The following YAP1 variants were observed in gnomAD, a reference collection of about 807,000 sequenced individuals.
YAP1 encodes the protein transcriptional coactivator YAP1.
Under a neutral mutation model 56.9 loss-of-function variants are expected in YAP1, and 5 were observed. The ratio of observed to expected loss-of-function variants is 0.09; its 90% CI spans 0.05 to 0.18. The LOEUF is 0.18. Ranked by LOEUF, YAP1 falls within the 10% of genes least tolerant of loss-of-function variation. The pLI, the probability that YAP1 is intolerant of heterozygous loss-of-function variation, is 1.00. For missense variants in YAP1, 539 were observed against 651.8 expected (o/e 0.83, Z 1.88); for synonymous variants, 265 against 248.1 (o/e 1.07, Z -0.64).
At chr11:102,135,698 A>G (rs1944634678) in intron 2 of YAP1, among the ~76,000 whole-genome samples, 1 of 152,220 alleles carries the variant, frequency 6.6e-6, no homozygotes, top group South Asian at 2.1e-4. Flanking sequence ...ATTCAAGCCA[A>G]AGGAATTAGA....
chr11:102,117,410 T>C (rs181736172), intron 2 of YAP1, among the ~76,000 whole-genome samples: 38 of 152,332 alleles, frequency 2.5e-4, no homozygotes, highest in East Asian at 1.5e-3. Context: ...CTATAACTTA[T>C]TGAGATTTAT....
In YAP1 at chr11:102,227,550, C is replaced by T. The variant is rs745815140; in HGVS notation, c.1245C>T (p.Asp415=). ...ACAGTGTCCCTCGAACCCCAGATGA[C>T]TTCCTGAACAGTGTGGATGAGATGG... is the stretch of plus-strand genomic sequence containing the variant. ...SSYSVPRTPD[D]FLNSVDEMDT... Residue 415 remains aspartate (D), a synonymous_variant, in exon 8 of 9, where the codon GAC becomes GAT. Transcript: ENST00000282441. 5.6e-5 allele frequency: 90 copies of T among 1,613,716 alleles called. No homozygotes were observed. The highest frequency in any genetic ancestry group is 7.2e-5 in the Non-Finnish European group (85 of 1,179,840).
At chr11:102,165,928 G>C (rs888949122) in intron 3 of YAP1, among the ~76,000 whole-genome samples, 1 of 152,140 alleles carries the variant, frequency 6.6e-6, no homozygotes, top group Admixed American at 6.5e-5. Flanking sequence ...GTGTGGAGAT[G>C]ATGTTTGTTT....
chr11:102,180,925 T>C (rs1438650242), intron 3 of YAP1, among the ~76,000 whole-genome samples: 2 of 151,774 alleles, frequency 1.3e-5, no homozygotes, highest in Non-Finnish European at 2.9e-5. Flanking sequence ...GGTGGGAGGA[T>C]CTCTTGAGCT....
chr11:102,112,156 A>G (rs1348909050), intron 1 of YAP1, among the ~76,000 whole-genome samples: 1 of 152,160 alleles, frequency 6.6e-6, no homozygotes, highest in Non-Finnish European at 1.5e-5. Context: ...CTGCAGGTTG[A>G]CTCATAGGCC....
chr11:102,187,065 GC>G (rs1948004574), intron 4 of YAP1, among the ~76,000 whole-genome samples: 1 of 152,092 alleles, frequency 6.6e-6, no homozygotes, highest in Non-Finnish European at 1.5e-5. Context: ...CAACTGCGGG[GC>G]CCTCACGGGA....
intron 8 of YAP1, 24 bp downstream of exon 8, chr11:102,227,605 G>C: frequency 6.6e-7 from 1 of 1,513,134 alleles, no homozygotes; most frequent in Non-Finnish European, 9.2e-7. Context: ...ATTCCTCTTA[G>C]TAACCTGACT....
intron 4 of YAP1, among the ~76,000 whole-genome samples, chr11:102,191,778 C>A (rs1334944644): frequency 6.6e-6 from 1 of 152,036 alleles, no homozygotes; most frequent in Non-Finnish European, 1.5e-5. Flanking sequence ...AATTCCTGGG[C>A]TCATACAAGC....
rs540122080 is a variant in YAP1 at position 102,138,257 on chromosome 11, C to T, written c.572+23863C>T. Among the ~76,000 whole-genome samples, 4 of 152,282 alleles carry T rather than the reference C, an allele frequency of 2.6e-5. No homozygotes were observed. The South Asian group carries it at 8.3e-4, about 32-fold the overall frequency. ...AACTGACTATGGAAAAAATTAGTGG[C>T]CTAAAATAATAATTCTGTCATTCGA... is the stretch of plus-strand genomic sequence containing the variant. On this transcript the variant is annotated intron_variant, in intron 2 of 8. Transcript: ENST00000282441.
intron 4 of YAP1, among the ~76,000 whole-genome samples, chr11:102,201,837 T>A (rs949499590): frequency 1.3e-5 from 2 of 151,952 alleles, no homozygotes; most frequent in African/African-American, 4.8e-5. Flanking sequence ...TACCCCCTAG[T>A]ACGCAGAGTA....
chr11:102,127,987 ATT>A (rs763123351), intron 2 of YAP1, among the ~76,000 whole-genome samples: 5 of 152,096 alleles, frequency 3.3e-5, no homozygotes, highest in Non-Finnish European at 5.9e-5. Flanking sequence ...GAATGGCTGT[ATT>A]TACCCAGTAC....
At chr11:102,184,092 A>G (rs564421870) in intron 3 of YAP1, among the ~76,000 whole-genome samples, 10 of 104,836 alleles carry the variant, frequency 9.5e-5, no homozygotes, top group Non-Finnish European at 1.3e-4. Context: ...AAAAAAAAAA[A>G]AAAGAAAGCT....
intron 2 of YAP1, among the ~76,000 whole-genome samples, chr11:102,160,363 G>A (rs1305634645): frequency 6.6e-6 from 1 of 152,170 alleles, no homozygotes; most frequent in Admixed American, 6.5e-5. Context: ...ACTTAAAGGT[G>A]TAGAAATAGT....
Position 102,229,775 on chromosome 11 carries a change from G to C in YAP1, c.1350G>C (p.Gly450=). The change falls in exon 9 of 9, where the codon GGG becomes GGC. Residue 450 remains glycine, a synonymous_variant. Coordinates refer to ENST00000282441, the MANE Select transcript of YAP1 (RefSeq NM_001130145.3). ...RFPDYLEAIP[G]TNVDLGTLEG... is the part of the protein sequence containing the mutation. ...CAGACTACCTTGAAGCCATTCCTGG[G>C]ACAAATGTGGACCTTGGAACACTGG... The C allele has an allele frequency of 6.2e-7, 1 of 1,614,152 alleles. No individual in the cohort carries two copies. Among genetic ancestry groups the C allele is most frequent in the Non-Finnish European group, 8.5e-7 (1 of 1,179,998 alleles).
intron 2 of YAP1, among the ~76,000 whole-genome samples, chr11:102,148,277 A>G (rs970476574): frequency 3.9e-5 from 6 of 152,196 alleles, no homozygotes; most frequent in African/African-American, 1.4e-4. Context: ...CTATAAACAC[A>G]TGGTTTCAAG....
chr11:102,226,637 G>A (rs1011221099), intron 7 of YAP1, among the ~76,000 whole-genome samples: 2 of 152,156 alleles, frequency 1.3e-5, no homozygotes, highest in Admixed American at 1.3e-4. Context: ...ATTTCTCAGG[G>A]TAATGGATAT....
chr11:102,204,909 T>TG (rs1949044816), intron 4 of YAP1, among the ~76,000 whole-genome samples: 1 of 152,190 alleles, frequency 6.6e-6, no homozygotes, highest in Non-Finnish European at 1.5e-5. Flanking sequence ...CATTGGGACC[T>TG]GGGGTTTTCT....
rs757181870 is a variant in YAP1 at position 102,110,833 on chromosome 11, G to A, written c.-16G>A. 205 of 1,388,322 alleles carry A rather than the reference G, an allele frequency of 1.5e-4. No individual in the cohort carries two copies. Among genetic ancestry groups the A allele is most frequent in the Non-Finnish European group, 1.8e-4 (191 of 1,070,906 alleles). 86.0% of individuals were successfully genotyped at this position (1,388,322 alleles called of 1,614,324 possible). On this transcript the variant is annotated 5_prime_UTR_variant, in exon 1 of 9. Coordinates refer to ENST00000282441, the MANE Select transcript of YAP1 (RefSeq NM_001130145.3). ...TCGCCTGGGTCAGGGGGTGCGCGTC[G>A]GGGGAGGCAGAAGCCATGGATCCCG...
intron 7 of YAP1, 39 bp downstream of exon 7, chr11:102,223,791 T>C (rs1287106813): frequency 6.2e-7 from 1 of 1,611,572 alleles, no homozygotes; most frequent in Admixed American, 1.7e-5. Context: ...CTGAAAAGGA[T>C]CATTGCTTTA....
Sources: allele counts gnomAD v4.1 joint callset (sites outside exome capture counted in the v4.1 genomes callset), GRCh38; gene constraint gnomAD v4.1.1; transcripts MANE v1.5; gene names NCBI Gene and HGNC (gene_info 2026-07-23, HGNC 2026-07-21).